Variants in PCDH11X observed in about 807,000 individuals in gnomAD.
PCDH11X encodes the protein protocadherin-11 X-linked.
A neutral mutation model predicts 53.3 loss-of-function variants in PCDH11X; 18 were observed. That is an observed-to-expected ratio of 0.34 (90% CI 0.23 to 0.50). The LOEUF (loss-of-function observed/expected upper bound fraction) is 0.50. PCDH11X is among the 20% of genes least tolerant of loss of function. PCDH11X has a pLI of 0.98. For missense variants in PCDH11X, 570 were observed against 1,032.4 expected, an observed-to-expected ratio of 0.55 and a Z score of 6.14; for synonymous variants, 279 against 393.3, an observed-to-expected ratio of 0.71 and a Z score of 3.44.
At chrX:92,444,399 A>G (rs2072584958) in intron 9 of PCDH11X, among the ~76,000 whole-genome samples, 1 of 100,506 alleles carries the variant, frequency 9.9e-6, no homozygotes, top group Non-Finnish European at 2.0e-5. Flanking sequence ...CTGAAACTTT[A>G]CCATAGTTCT....
chrX:91,912,557 T>C (rs1941405541), intron 6 of PCDH11X, among the ~76,000 whole-genome samples: 1 of 110,848 alleles, frequency 9.0e-6, no homozygotes, highest in Admixed American at 9.7e-5. Flanking sequence ...TCTGTTGATA[T>C]GATATATCAC....
rs764959497 is a variant in PCDH11X, at chrX:91,789,200, C to CAA, written c.-379+9538_-379+9539dup. Among the ~76,000 whole-genome samples the CAA allele has an allele frequency of 5.0e-3, 236 of 46,876 alleles. 3 individuals are homozygous for CAA. Among genetic ancestry groups the CAA allele is most frequent in the Admixed American group, 0.022 (63 of 2,902 alleles). The allele number at this position is 46,876 out of a possible 115,157, so 40.7% of individuals were successfully genotyped here. On this transcript the variant is annotated intron_variant, in intron 1 of 10. Coordinates refer to ENST00000682573, the MANE Select transcript of PCDH11X (RefSeq NM_032968.5). Reference sequence around the variant, plus strand: ...CTGGCAACAGAGCAGGACTCCGTCTCAAAAAAAAAAAAAAAAAAAAAAAGA... The same window carrying CAA: ...CTGGCAACAGAGCAGGACTCCGTCTCAAAAAAAAAAAAAAAAAAAAAAAAAGA...
At chrX:92,102,723 T>A (rs952155474) in intron 6 of PCDH11X, among the ~76,000 whole-genome samples, 1 of 111,079 alleles carries the variant, frequency 9.0e-6, no homozygotes, top group Non-Finnish European at 1.9e-5. Context: ...AAAGAAAGCA[T>A]GTTTGAGATC....
chrX:92,367,742 C>T (rs1020248235), intron 8 of PCDH11X, among the ~76,000 whole-genome samples: 2 of 111,615 alleles, frequency 1.8e-5, no homozygotes, highest in Non-Finnish European at 3.8e-5. Flanking sequence ...TTTCATTTCT[C>T]TTTCACTTTT....
At chrX:92,013,344 C>T (rs867729579) in intron 6 of PCDH11X, among the ~76,000 whole-genome samples, 7 of 111,139 alleles carry the variant, frequency 6.3e-5, no homozygotes, top group Admixed American at 3.8e-4. Context: ...AGGACCTCTT[C>T]GAAGAGAACT....
chrX:91,963,988 C>A (rs1275456117), intron 6 of PCDH11X, among the ~76,000 whole-genome samples: 1 of 109,818 alleles, frequency 9.1e-6, no homozygotes, highest in Non-Finnish European at 1.9e-5. Context: ...CCCACTGGGT[C>A]CCTCCCACAT....
chrX:92,391,432 T>A (rs186942802), intron 9 of PCDH11X, among the ~76,000 whole-genome samples: 1 of 109,264 alleles, frequency 9.2e-6, no homozygotes, highest in Non-Finnish European at 1.9e-5. Flanking sequence ...ACTCAAAGAT[T>A]TGAGGACAGT....
At chrX:92,446,901 A>G (rs980343018) in intron 9 of PCDH11X, among the ~76,000 whole-genome samples, 27 of 111,636 alleles carry the variant, frequency 2.4e-4, no homozygotes, top group Admixed American at 3.8e-4. Context: ...AATATGCACA[A>G]TAAAGTCCAG....
intron 6 of PCDH11X, among the ~76,000 whole-genome samples, chrX:91,888,805 G>A (rs1448826180): frequency 1.8e-5 from 2 of 110,943 alleles, no homozygotes; most frequent in East Asian, 5.6e-4. Flanking sequence ...CAGTAGTAGT[G>A]AAAAGTAAAA....
chrX:92,019,105 C>CT (rs1387974377), intron 6 of PCDH11X, among the ~76,000 whole-genome samples: 1 of 110,635 alleles, frequency 9.0e-6, no homozygotes, highest in Non-Finnish European at 1.9e-5. Context: ...GGAGGAAAGT[C>CT]ACAGAAGCTG....
chrX:92,471,534 C>A (rs918662106), intron 10 of PCDH11X, among the ~76,000 whole-genome samples: 6 of 110,635 alleles, frequency 5.4e-5, no homozygotes, highest in African/African-American at 2.0e-4. Context: ...AGGTTGATAT[C>A]ATATCTTTGC....
At chrX:92,239,156 T>C (rs189969496) in intron 7 of PCDH11X, among the ~76,000 whole-genome samples, 32 of 111,814 alleles carry the variant, frequency 2.9e-4, no homozygotes, top group Admixed American at 2.5e-3. Flanking sequence ...AGTGAATCAC[T>C]CCTTAAATAT....
chrX:91,898,123 A>G (rs892662601), intron 6 of PCDH11X, among the ~76,000 whole-genome samples: 6 of 111,316 alleles, frequency 5.4e-5, no homozygotes, highest in African/African-American at 2.0e-4. Context: ...AAAAAAATGT[A>G]CATAGCACAG....
chrX:91,926,059 T>TAC (rs1216511038), intron 6 of PCDH11X, among the ~76,000 whole-genome samples: 5 of 82,065 alleles, frequency 6.1e-5, no homozygotes, highest in Non-Finnish European at 9.2e-5. Context: ...TATGCATATA[T>TAC]ACACACACAC....
chrX:91,783,140 C>A (rs925506377), intron 1 of PCDH11X, among the ~76,000 whole-genome samples: 2 of 112,081 alleles, frequency 1.8e-5, no homozygotes, highest in African/African-American at 6.5e-5. Flanking sequence ...TAGGATTCTT[C>A]CCCCTTCCTT....
intron 6 of PCDH11X, chrX:92,114,554 A>G: frequency 4.8e-6 from 2 of 419,463 alleles, no homozygotes; most frequent in Admixed American, 4.1e-5. Flanking sequence ...TGTATTACAA[A>G]TTGTAAACTT....
At chrX:92,447,686 C>T (rs1378432652) in intron 9 of PCDH11X, among the ~76,000 whole-genome samples, 2 of 112,697 alleles carry the variant, frequency 1.8e-5, no homozygotes, top group African/African-American at 3.2e-5. Context: ...GGAGCCTGCA[C>T]ACAGAATCCC....
At position 92,398,836 on chromosome X, in the gene PCDH11X, G is replaced by C. The variant is rs201649395; in HGVS notation, c.3343+10903G>C. On this transcript the variant is annotated intron_variant, in intron 9 of 10. Transcript: ENST00000682573. ...GAATAATAAAAGCAGTTGCTTTGTA[G>C]CATTGTTGTATTAAATGAAAGTGCA... 9.1e-5 allele frequency among the ~76,000 whole-genome samples: 10 copies of C among 110,257 alleles called. No homozygotes were observed. The East Asian group carries it at 2.9e-3, about 32-fold the overall frequency.
chrX:92,065,471 A>C (rs1602798173), intron 6 of PCDH11X, among the ~76,000 whole-genome samples: 2 of 111,309 alleles, frequency 1.8e-5, no homozygotes, highest in African/African-American at 6.5e-5. Context: ...ACTAATTTAC[A>C]TTCCCACCAA....
Sources: allele counts gnomAD v4.1 joint callset (sites outside exome capture counted in the v4.1 genomes callset), GRCh38; gene constraint gnomAD v4.1.1; transcripts MANE v1.5; gene names NCBI Gene and HGNC (gene_info 2026-07-23, HGNC 2026-07-21).